Variants in WIPF1 observed in about 807,000 individuals in gnomAD.
WIPF1 encodes WAS/WASL interacting protein family member 1.
WIPF1 carries 13 observed loss-of-function variants against 35.4 expected under a neutral mutation model. The observed-to-expected ratio is 0.37, with a 90% confidence interval of 0.24 to 0.58. The LOEUF is 0.58. Ranked by LOEUF, WIPF1 falls within the 20% of genes least tolerant of loss-of-function variation. The pLI, the probability that WIPF1 is intolerant of heterozygous loss-of-function variation, is 0.74. For synonymous variants in WIPF1, 267 were observed against 266.3 expected, an observed-to-expected ratio of 1.00 and a Z score of -0.02; for missense variants, 591 against 667.0, an observed-to-expected ratio of 0.89 and a Z score of 1.25.
At chr2:174,627,654 C>T (rs1686890699) in intron 1 of WIPF1, among the ~76,000 whole-genome samples, 1 of 151,932 alleles carries the variant, frequency 6.6e-6, no homozygotes, top group African/African-American at 2.4e-5. Flanking sequence ...TCAAGTGATC[C>T]CCCTGCCTCA....
chr2:174,576,090 C>T (rs543587421), intron 3 of WIPF1, among the ~76,000 whole-genome samples: 51 of 151,928 alleles, frequency 3.4e-4, no homozygotes, highest in African/African-American at 1.1e-3. Flanking sequence ...CTCGTCTCTA[C>T]GAAAATAAAC....
At chr2:174,566,409 A>T (rs1684661521) in intron 7 of WIPF1, 1 of 152,272 alleles carries the variant, frequency 6.6e-6, no homozygotes, top group Non-Finnish European at 1.5e-5. Flanking sequence ...CAACAGAAAT[A>T]ATTTAAATGT....
intron 4 of WIPF1, among the ~76,000 whole-genome samples, chr2:174,574,208 TTTTC>T (rs1424161110): frequency 1.3e-5 from 2 of 152,166 alleles, no homozygotes; most frequent in Non-Finnish European, 2.9e-5. Context: ...ATTATTTTAT[TTTTC>T]TTTGTCTTTT....
chr2:174,608,497 GTTT>G (rs542011037), intron 1 of WIPF1, among the ~76,000 whole-genome samples: 1 of 151,962 alleles, frequency 6.6e-6, no homozygotes, highest in African/African-American at 2.4e-5. Flanking sequence ...GACCATTCAT[GTTT>G]TTTTCTTTTT....
Position 174,559,879 on chromosome 2 carries a change from A to G in WIPF1, c.*2668T>C, listed in dbSNP as rs907325880. 1 of 152,614 alleles carries G rather than the reference A, an allele frequency of 6.6e-6. No homozygotes were observed. Among genetic ancestry groups the G allele is most frequent in the African/African-American group, 2.4e-5 (1 of 41,462 alleles). 9.5% of individuals were successfully genotyped at this position (152,614 alleles called of 1,614,324 possible). ...AACAGTTTTTACAAATATGCAAATA[A>G]TCTACTACTTAGACATAAAAAAAAG... On this transcript the variant is annotated 3_prime_UTR_variant, in exon 8 of 8. Coordinates refer to ENST00000679041, the MANE Select transcript of WIPF1 (RefSeq NM_001375834.1).
intron 1 of WIPF1, among the ~76,000 whole-genome samples, chr2:174,635,010 C>T (rs539516091): frequency 2.6e-5 from 4 of 152,280 alleles, no homozygotes; most frequent in Admixed American, 6.5e-5. Flanking sequence ...CTCGACAGTG[C>T]TGCACCCAGG....
At chr2:174,604,245 A>G (rs945973600) in intron 1 of WIPF1, among the ~76,000 whole-genome samples, 2 of 152,248 alleles carry the variant, frequency 1.3e-5, no homozygotes, top group Non-Finnish European at 2.9e-5. Flanking sequence ...GATGAGATCA[A>G]TAAAAAACTG....
upstream of WIPF1, among the ~76,000 whole-genome samples, chr2:174,600,628 TCCCTCATGA>T (rs1685971182): frequency 6.6e-6 from 1 of 152,244 alleles, no homozygotes; most frequent in South Asian, 2.1e-4. Flanking sequence ...AAAAATGCTC[TCCCTCATGA>T]CCCATTTCTG....
chr2:174,612,675 G>A (rs867323280), intron 1 of WIPF1, among the ~76,000 whole-genome samples: 38 of 151,390 alleles, frequency 2.5e-4, no homozygotes, highest in African/African-American at 8.3e-4. Context: ...TTTTTAACAT[G>A]TGCTATTATG....
intron 1 of WIPF1, among the ~76,000 whole-genome samples, chr2:174,606,978 C>T (rs745952331): frequency 1.2e-4 from 19 of 152,298 alleles, no homozygotes; most frequent in Middle Eastern, 3.4e-3. Flanking sequence ...CGTGTCATTA[C>T]CATGGCTGAA....
intron 1 of WIPF1, among the ~76,000 whole-genome samples, chr2:174,605,163 A>T (rs930931557): frequency 1.3e-5 from 2 of 152,214 alleles, no homozygotes; most frequent in African/African-American, 4.8e-5. Context: ...GGGCCAGCGC[A>T]GGGGCTCGCG....
In WIPF1 at chr2:174,560,474, T is replaced by C. The variant is rs533307341; in HGVS notation, c.*2073A>G. 5 of 152,534 alleles carry C rather than the reference T, an allele frequency of 3.3e-5. No homozygotes were observed. The highest frequency in any genetic ancestry group is 1.2e-4 in the African/African-American group (5 of 41,488). 9.4% of individuals were successfully genotyped at this position (152,534 alleles called of 1,614,324 possible). On this transcript the variant is annotated 3_prime_UTR_variant, in exon 8 of 8. Coordinates refer to ENST00000679041, the MANE Select transcript of WIPF1 (RefSeq NM_001375834.1). ...CAAATTCCATCTTTTGTGAAATGGGTCATTAGGCTTTATCATAGGGATGTT... is the reference window on the plus strand; with the variant it reads ...CAAATTCCATCTTTTGTGAAATGGGCCATTAGGCTTTATCATAGGGATGTT...
rs578035182 is a variant in WIPF1, at chr2:174,561,939, A to C, written c.*608T>G. 1.2e-4 allele frequency: 106 copies of C among 906,704 alleles called. No homozygotes were observed. In the African/African-American group the frequency reaches 1.6e-3, roughly 14 times the overall value. The allele number at this position is 906,704 out of a possible 1,614,324, so 56.2% of individuals were successfully genotyped here. A position where few individuals can be genotyped will look rare whatever the true frequency, so the allele number is the denominator to read the frequency against. On this transcript the variant is annotated 3_prime_UTR_variant, in exon 8 of 8. Transcript: ENST00000679041. ...AATTTTATGTTGATTACAGGTTGAA[A>C]TATTTTGGATGCATATTAACTTCAC...
chr2:174,561,940 T>C lies in WIPF1; in HGVS notation c.*607A>G, dbSNP rs1334205662. ...ATTTTATGTTGATTACAGGTTGAAA[T>C]ATTTTGGATGCATATTAACTTCACT... On this transcript the variant is annotated 3_prime_UTR_variant, in exon 8 of 8. Transcript: ENST00000679041. 1.1e-6 allele frequency: 1 copy of C among 909,012 alleles called. No individual in the cohort carries two copies. The highest frequency in any genetic ancestry group is 1.6e-6 in the Non-Finnish European group (1 of 612,570). The allele number at this position is 909,012 out of a possible 1,614,324, so 56.3% of individuals were successfully genotyped here.
At chr2:174,597,118 G>C (rs1401307514) in intron 1 of WIPF1, among the ~76,000 whole-genome samples, 1 of 152,208 alleles carries the variant, frequency 6.6e-6, no homozygotes, top group Non-Finnish European at 1.5e-5. Flanking sequence ...GGTTTAGTTT[G>C]AGTTTTGAAC....
intron 1 of WIPF1, among the ~76,000 whole-genome samples, chr2:174,643,523 G>A (rs978828873): frequency 6.7e-6 from 1 of 148,426 alleles, no homozygotes; most frequent in Non-Finnish European, 1.5e-5. Context: ...GGAGATTCTC[G>A]AGCCTCAGCC....
chr2:174,643,191 T>C (rs1470620663), intron 1 of WIPF1, among the ~76,000 whole-genome samples: 1 of 149,350 alleles, frequency 6.7e-6, no homozygotes, highest in African/African-American at 2.6e-5. Context: ...GAGTATTTAA[T>C]CAATTTTTGT....
intron 1 of WIPF1, among the ~76,000 whole-genome samples, chr2:174,668,308 C>T (rs1163282027): frequency 6.6e-6 from 1 of 152,206 alleles, no homozygotes; most frequent in Non-Finnish European, 1.5e-5. Context: ...TTCTCCGGGG[C>T]TCTGTCTCTT....
chr2:174,636,844 G>A (rs147944436), intron 1 of WIPF1, among the ~76,000 whole-genome samples: 277 of 152,296 alleles, frequency 1.8e-3, no homozygotes, highest in African/African-American at 6.3e-3. Flanking sequence ...TAGTCACATC[G>A]TATCAGATAT....
Sources: gnomAD v4.1 joint callset for allele counts (sites outside exome capture counted in the v4.1 genomes callset) on GRCh38, gnomAD v4.1.1 for gene constraint, MANE v1.5 for transcripts, NCBI Gene and HGNC (gene_info 2026-07-23, HGNC 2026-07-21) for gene names.